The following PRKAG2 variants were observed in gnomAD, a reference collection of about 807,000 sequenced individuals.
The protein encoded by PRKAG2 is protein kinase AMP-activated non-catalytic subunit gamma 2.
In PRKAG2, 26 loss-of-function variants were observed where a neutral mutation model predicts 69.6. That is an observed-to-expected ratio of 0.37 (90% confidence interval 0.27 to 0.52). PRKAG2 has a LOEUF of 0.52. PRKAG2 is among the 20% of genes least tolerant of loss of function. The probability of loss-of-function intolerance (pLI) is 0.90; values close to 1 mark genes in which losing one functional copy is unlikely to be tolerated. For synonymous variants in PRKAG2, 293 were observed against 285.0 expected, an observed-to-expected ratio of 1.03 and a Z score of -0.28; for missense variants, 557 against 740.0, an observed-to-expected ratio of 0.75 and a Z score of 2.87.
intron 3 of PRKAG2, among the ~76,000 whole-genome samples, chr7:151,727,016 G>A (rs1211914513): frequency 1.3e-5 from 2 of 152,084 alleles, no homozygotes; most frequent in Non-Finnish European, 2.9e-5. Context: ...AGGAATTCAA[G>A]ACCAGTCTGA....
intron 3 of PRKAG2, among the ~76,000 whole-genome samples, chr7:151,774,782 G>A (rs970358708): frequency 6.6e-6 from 1 of 152,156 alleles, no homozygotes; most frequent in Non-Finnish European, 1.5e-5. Flanking sequence ...ACTCCAGCCT[G>A]GTGACAGAGT....
chr7:151,823,435 G>A (rs568392956), intron 1 of PRKAG2, among the ~76,000 whole-genome samples: 1 of 150,406 alleles, frequency 6.6e-6, no homozygotes, highest in African/African-American at 2.4e-5. Flanking sequence ...TTGGAAATAG[G>A]GGCTGTTGAA....
At position 151,850,733 on chromosome 7, in the gene PRKAG2, G is replaced by A. The variant is rs2079548546; in HGVS notation, c.114+25774C>T. Among the ~76,000 whole-genome samples the A allele has an allele frequency of 6.6e-6, 1 of 152,240 alleles. No individual in the cohort carries two copies. Among genetic ancestry groups the A allele is most frequent in the Admixed American group, 6.5e-5 (1 of 15,282 alleles). On this transcript the variant is annotated intron_variant, in intron 1 of 15. Coordinates refer to ENST00000287878, the MANE Select transcript of PRKAG2 (RefSeq NM_016203.4). This position sits in a 1 kb window ranked among gnomAD's most constrained non-coding sequence, Gnocchi z 4.1. ...GCTTCTGCCAGAGGGAGGAGTCAGA[G>A]GTGAGAGTCTGGTGCTCTGAGCGCT...
At chr7:151,736,788 G>A (rs538237856) in intron 3 of PRKAG2, among the ~76,000 whole-genome samples, 41 of 152,326 alleles carry the variant, frequency 2.7e-4, no homozygotes, top group Admixed American at 5.2e-4. Flanking sequence ...CGGCAAATGC[G>A]TAATTTGAGC....
intron 1 of PRKAG2, among the ~76,000 whole-genome samples, chr7:151,858,695 G>A (rs1337638371): frequency 2.6e-5 from 4 of 152,284 alleles, no homozygotes; most frequent in East Asian, 1.9e-4. Context: ...CATTCACTTC[G>A]GCCGTTTCTC....
chr7:151,791,237 C>T (rs1203399231), intron 1 of PRKAG2, among the ~76,000 whole-genome samples: 2 of 152,162 alleles, frequency 1.3e-5, no homozygotes, highest in African/African-American at 2.4e-5. Flanking sequence ...CATCTTGGGG[C>T]CGGTGTGGGA....
At chr7:151,610,465 T>G (rs1818522366) in intron 5 of PRKAG2, among the ~76,000 whole-genome samples, 1 of 151,748 alleles carries the variant, frequency 6.6e-6, no homozygotes, top group African/African-American at 2.4e-5. Context: ...GATCACGAGG[T>G]CAAAAGATTG....
intron 15 of PRKAG2, chr7:151,557,540 A>G (rs1804007099): frequency 1.0e-6 from 1 of 985,246 alleles, no homozygotes. Flanking sequence ...GAAGGTGTGA[A>G]GTATTTCAGT....
chr7:151,805,204 G>A (rs544059631), intron 1 of PRKAG2, among the ~76,000 whole-genome samples: 2 of 152,322 alleles, frequency 1.3e-5, no homozygotes, highest in South Asian at 4.1e-4. Context: ...TGGATCTCTT[G>A]TAATGTCTGC....
intron 3 of PRKAG2, among the ~76,000 whole-genome samples, chr7:151,778,402 T>C (rs2076499584): frequency 6.6e-6 from 1 of 152,204 alleles, no homozygotes; most frequent in African/African-American, 2.4e-5. Flanking sequence ...GCACCATGCC[T>C]CTGTGCAGCC....
chr7:151,724,555 T>G (rs1797620798), intron 3 of PRKAG2, among the ~76,000 whole-genome samples: 1 of 152,162 alleles, frequency 6.6e-6, no homozygotes, highest in Admixed American at 6.5e-5. Context: ...AGGGTAGAGC[T>G]GGTGCTGGCT....
At chr7:151,694,201 A>G (rs1836203900) in intron 3 of PRKAG2, among the ~76,000 whole-genome samples, 1 of 152,236 alleles carries the variant, frequency 6.6e-6, no homozygotes, top group Non-Finnish European at 1.5e-5. Flanking sequence ...TAAGCCACCC[A>G]GTCTATGGTA....
At chr7:151,701,499 A>G (rs1400972835) in intron 3 of PRKAG2, among the ~76,000 whole-genome samples, 2 of 152,180 alleles carry the variant, frequency 1.3e-5, no homozygotes, top group East Asian at 1.9e-4. Context: ...ACACAGATAC[A>G]CAGGGAGATG....
At chr7:151,688,369 T>C (rs1309625960) in intron 3 of PRKAG2, among the ~76,000 whole-genome samples, 1 of 152,240 alleles carries the variant, frequency 6.6e-6, no homozygotes, top group East Asian at 1.9e-4. Context: ...ACAGCATCGT[T>C]CATGCCAATT....
At chr7:151,668,173 T>TA (rs113705215) in intron 4 of PRKAG2, among the ~76,000 whole-genome samples, 10 of 152,262 alleles carry the variant, frequency 6.6e-5, no homozygotes, top group African/African-American at 2.4e-4. Context: ...AGCAGGTTGT[T>TA]AAAAAGTGCC....
intron 3 of PRKAG2, among the ~76,000 whole-genome samples, chr7:151,676,706 A>T (rs1833001165): frequency 6.6e-6 from 1 of 152,210 alleles, no homozygotes; most frequent in Non-Finnish European, 1.5e-5. Flanking sequence ...ATCATGGCAC[A>T]GTGCACAGGT....
chr7:151,612,423 C>T (rs1819099369), intron 5 of PRKAG2, among the ~76,000 whole-genome samples: 1 of 152,184 alleles, frequency 6.6e-6, no homozygotes, highest in South Asian at 2.1e-4. Context: ...CTGCAGTGTG[C>T]CTCTCCCCTA....
intron 3 of PRKAG2, among the ~76,000 whole-genome samples, chr7:151,758,347 G>A (rs1032344021): frequency 2.0e-5 from 3 of 152,194 alleles, no homozygotes; most frequent in African/African-American, 2.4e-5. Flanking sequence ...GAAGACAGTC[G>A]CTTCCAAAAA....
intron 3 of PRKAG2, among the ~76,000 whole-genome samples, chr7:151,768,721 C>A (rs2075867728): frequency 6.6e-6 from 1 of 152,250 alleles, no homozygotes; most frequent in Admixed American, 6.5e-5. Context: ...CCCACCTCAG[C>A]CTCCCAAAGG....
Sources: allele counts gnomAD v4.1 joint callset (sites outside exome capture counted in the v4.1 genomes callset), GRCh38; gene constraint gnomAD v4.1.1; non-coding constraint Gnocchi (gnomAD v3.1); transcripts MANE v1.5; gene names NCBI Gene and HGNC (gene_info 2026-07-23, HGNC 2026-07-21).